Variants in ADAM18 observed in about 807,000 individuals in gnomAD.
ADAM18 encodes disintegrin and metalloproteinase domain-containing protein 18.
A neutral mutation model predicts 94.4 loss-of-function variants in ADAM18; 117 were observed. The observed-to-expected ratio is 1.24, with a 90% CI of 1.07 to 1.45. The LOEUF is 1.45. Among genes scored for constraint, ADAM18 ranks in the 40% most tolerant of loss-of-function variants. The pLI is 0.00. For synonymous variants in ADAM18, 327 were observed against 291.6 expected, an observed-to-expected ratio of 1.12 and a Z score of -1.24; for missense variants, 936 against 880.0, an observed-to-expected ratio of 1.06 and a Z score of -0.81.
intron 7 of ADAM18, 115 bp from the exon 8 acceptor site, chr8:39,637,149 A>G (rs1457140150): frequency 2.9e-6 from 2 of 690,936 alleles, no homozygotes; most frequent in South Asian, 3.3e-5. Context: ...ACATTCTCCT[A>G]TGTACTTTAA....
At chr8:39,669,693 T>C (rs1474965836) in intron 14 of ADAM18, among the ~76,000 whole-genome samples, 1 of 152,026 alleles carries the variant, frequency 6.6e-6, no homozygotes, top group Non-Finnish European at 1.5e-5. Flanking sequence ...ATGTGCCACA[T>C]TTTCTTAATC....
chr8:39,678,587 C>CT (rs1821357209), intron 15 of ADAM18, among the ~76,000 whole-genome samples: 1 of 152,164 alleles, frequency 6.6e-6, no homozygotes, highest in Non-Finnish European at 1.5e-5. Flanking sequence ...GGCCAGCAGT[C>CT]TGAGTTACAC....
chr8:39,626,017 A>G (rs1025684176), intron 6 of ADAM18, among the ~76,000 whole-genome samples: 1 of 152,176 alleles, frequency 6.6e-6, no homozygotes, highest in Non-Finnish European at 1.5e-5. Flanking sequence ...AATATCTGGT[A>G]GAATTTGGTT....
At chr8:39,616,829 G>C (rs1211494715) in intron 6 of ADAM18, among the ~76,000 whole-genome samples, 1 of 152,082 alleles carries the variant, frequency 6.6e-6, no homozygotes, top group Non-Finnish European at 1.5e-5. Flanking sequence ...AAAGATTGAA[G>C]ATGAACCCCT....
chr8:39,599,188 A>G (rs1818831787), intron 2 of ADAM18, among the ~76,000 whole-genome samples: 1 of 152,240 alleles, frequency 6.6e-6, no homozygotes, highest in South Asian at 2.1e-4. Flanking sequence ...TGTGATGATT[A>G]CATGAATTGA....
At chr8:39,679,060 G>T (rs561395087) in intron 15 of ADAM18, among the ~76,000 whole-genome samples, 71 of 152,168 alleles carry the variant, frequency 4.7e-4, no homozygotes, top group Admixed American at 2.5e-3. Flanking sequence ...ATCAAGACCT[G>T]GGAAAGTAGA....
At chr8:39,661,935 T>C (rs1196271573) in intron 12 of ADAM18, among the ~76,000 whole-genome samples, 2 of 148,266 alleles carry the variant, frequency 1.3e-5, no homozygotes, top group African/African-American at 4.9e-5. Context: ...ATTTTATATA[T>C]ATATATTTTA....
At chr8:39,698,274 T>C (rs1821979139) in intron 17 of ADAM18, among the ~76,000 whole-genome samples, 1 of 151,952 alleles carries the variant, frequency 6.6e-6, no homozygotes, top group Admixed American at 6.6e-5. Context: ...TCTTTACTTT[T>C]AATAGATTTC....
intron 17 of ADAM18, among the ~76,000 whole-genome samples, chr8:39,701,856 T>C (rs1471961549): frequency 2.6e-5 from 4 of 152,202 alleles, no homozygotes; most frequent in African/African-American, 7.2e-5. Context: ...CCATGGTGTA[T>C]ATGTACCACA....
intron 7 of ADAM18, among the ~76,000 whole-genome samples, chr8:39,635,200 T>G (rs1274011623): frequency 6.6e-6 from 1 of 152,224 alleles, no homozygotes; most frequent in Non-Finnish European, 1.5e-5. Flanking sequence ...TAGATTTCTC[T>G]TTTTTATAAT....
intron 7 of ADAM18, among the ~76,000 whole-genome samples, chr8:39,630,017 T>C (rs937953781): frequency 1.3e-5 from 2 of 151,996 alleles, no homozygotes; most frequent in East Asian, 3.9e-4. Flanking sequence ...TACCATCTTA[T>C]AAAGCATATT....
chr8:39,606,400 A>C (rs759962236), intron 3 of ADAM18, 38 bp downstream of exon 3: 1 of 1,363,900 alleles, frequency 7.3e-7, no homozygotes, highest in Non-Finnish European at 1.0e-6. Flanking sequence ...GAAAAGGGAA[A>C]GCTTTAAGTT....
At chr8:39,669,732 G>A (rs1479024890) in intron 14 of ADAM18, among the ~76,000 whole-genome samples, 1 of 151,984 alleles carries the variant, frequency 6.6e-6, no homozygotes, top group African/African-American at 2.4e-5. Flanking sequence ...CATTTAGGTT[G>A]GTTCCAAGTC....
At chr8:39,616,109 T>TA (rs1255343852) in intron 6 of ADAM18, among the ~76,000 whole-genome samples, 1 of 152,066 alleles carries the variant, frequency 6.6e-6, no homozygotes, top group African/African-American at 2.4e-5. Flanking sequence ...GAAGGATCAA[T>TA]ATTGTTAAAA....
At chr8:39,679,190 T>C (rs1025706380) in intron 15 of ADAM18, among the ~76,000 whole-genome samples, 2 of 152,198 alleles carry the variant, frequency 1.3e-5, no homozygotes, top group Admixed American at 6.5e-5. Context: ...CCTCAAATGA[T>C]TCTTTTAGGA....
Position 39,667,973 on chromosome 8 carries a change from ATT to A in ADAM18, c.1327-22_1327-21del, listed in dbSNP as rs1821036615. On this transcript the variant is annotated intron_variant, in intron 13 of 19. Transcript: ENST00000265707. ...TGAGAAAAATGATTTACAGAACTTA[ATT>A]TTATTTTTCCTTTTCCTCCCAGTTG... The A allele has an allele frequency of 2.5e-6, 4 of 1,602,964 alleles. No homozygotes were observed. The Admixed American group carries it at 5.0e-5, about 20-fold the overall frequency.
At chr8:39,586,736 A>G (rs913105882) in intron 2 of ADAM18, among the ~76,000 whole-genome samples, 5 of 150,632 alleles carry the variant, frequency 3.3e-5, no homozygotes, top group African/African-American at 1.2e-4. Flanking sequence ...CTTAAAAACA[A>G]AAAACAAACA....
intron 8 of ADAM18, 70 bp from the exon 9 acceptor site, chr8:39,637,467 T>C: frequency 7.0e-7 from 1 of 1,435,500 alleles, no homozygotes; most frequent in Non-Finnish European, 9.4e-7. Flanking sequence ...ACATGTTGTT[T>C]ATTTTTTAAT....
intron 11 of ADAM18, among the ~76,000 whole-genome samples, chr8:39,647,967 G>C (rs1820430758): frequency 6.6e-6 from 1 of 152,158 alleles, no homozygotes; most frequent in African/African-American, 2.4e-5. Flanking sequence ...CAGAGTAACA[G>C]TCTGATCTCT....
Sources: allele counts gnomAD v4.1 joint callset (sites outside exome capture counted in the v4.1 genomes callset), GRCh38; gene constraint gnomAD v4.1.1; transcripts MANE v1.5; gene names NCBI Gene and HGNC (gene_info 2026-07-23, HGNC 2026-07-21).